Variants in CNST observed in about 807,000 individuals in gnomAD.
The protein encoded by CNST is consortin.
A neutral mutation model predicts 72.4 loss-of-function variants in CNST; 39 were observed. The ratio of observed to expected loss-of-function variants is 0.54; its 90% confidence interval spans 0.42 to 0.70. The LOEUF (loss-of-function observed/expected upper bound fraction) is 0.70. Among genes scored for constraint, CNST ranks in the 30% least tolerant of loss-of-function variants. The probability of loss-of-function intolerance (pLI) is 0.00; values close to 1 mark genes in which losing one functional copy is unlikely to be tolerated. For missense variants in CNST, 871 were observed against 868.5 expected (o/e 1.00, Z -0.04); for synonymous variants, 332 against 320.1 (o/e 1.04, Z -0.40).
chr1:246,634,986 G>A (rs1038323481), intron 6 of CNST, among the ~76,000 whole-genome samples: 15 of 150,636 alleles, frequency 1.0e-4, no homozygotes, highest in Non-Finnish European at 1.9e-4. Flanking sequence ...CGTGTCTTCC[G>A]GCCGGCCCTC....
intron 2 of CNST, chr1:246,606,085 G>A (rs201715170): frequency 1.0e-3 from 146 of 140,978 alleles, no homozygotes; most frequent in East Asian, 0.01. Context: ...TGGGCACCTC[G>A]GAAAAAAAGA....
At position 246,634,910 on chromosome 1, in the gene CNST, C is replaced by T. The variant is rs111452143; in HGVS notation, c.818+323C>T. Among the ~76,000 whole-genome samples the T allele has an allele frequency of 7.0e-3, 1,057 of 150,730 alleles. 10 individuals carry two copies. The highest frequency in any genetic ancestry group is 0.011 in the Non-Finnish European group (777 of 67,772). On this transcript the variant is annotated intron_variant, in intron 6 of 10. Transcript: ENST00000366513. Reference sequence around the variant, plus strand: ...CAGGAAGTGTCCCTGTCTGATGTAACGGCTACGTGGTACCTGGATGGCCTC... The same window carrying T: ...CAGGAAGTGTCCCTGTCTGATGTAATGGCTACGTGGTACCTGGATGGCCTC...
intron 2 of CNST, among the ~76,000 whole-genome samples, chr1:246,596,248 C>A (rs893706142): frequency 1.3e-5 from 2 of 151,942 alleles, no homozygotes; most frequent in Non-Finnish European, 2.9e-5. Flanking sequence ...GACCTCATCT[C>A]TACAAAAAGT....
chr1:246,585,658 A>T (rs1389268626), intron 1 of CNST, among the ~76,000 whole-genome samples: 2,552 of 80,290 alleles, frequency 0.032, 164 homozygotes, highest in African/African-American at 0.14. Flanking sequence ...AAAAAAAAAA[A>T]AAAAATATAC....
At chr1:246,628,163 T>C (rs2103090266) in intron 3 of CNST, among the ~76,000 whole-genome samples, 2 of 152,268 alleles carry the variant, frequency 1.3e-5, no homozygotes, top group South Asian at 4.1e-4. Flanking sequence ...GCTGATTAGA[T>C]GGTGTCCACC....
intron 1 of CNST, among the ~76,000 whole-genome samples, chr1:246,576,949 C>T (rs958363229): frequency 2.0e-5 from 3 of 151,988 alleles, no homozygotes; most frequent in Non-Finnish European, 4.4e-5. Flanking sequence ...CAGGCAAGCA[C>T]CAGAGTGGAA....
intron 10 of CNST, among the ~76,000 whole-genome samples, chr1:246,662,554 A>G (rs1667155420): frequency 6.6e-6 from 1 of 152,006 alleles, no homozygotes; most frequent in Non-Finnish European, 1.5e-5. Context: ...ACGCCTGGCT[A>G]ATTTTTGTAC....
chr1:246,600,720 CAG>C (rs1188504195), intron 2 of CNST, among the ~76,000 whole-genome samples: 1 of 152,148 alleles, frequency 6.6e-6, no homozygotes, highest in African/African-American at 2.4e-5. Flanking sequence ...GAGTAGAAGA[CAG>C]TGTTGTGCTT....
intron 6 of CNST, among the ~76,000 whole-genome samples, chr1:246,638,755 G>A (rs986994097): frequency 7.2e-5 from 11 of 152,124 alleles, no homozygotes; most frequent in African/African-American, 2.7e-4. Context: ...ATCTGGAAGG[G>A]GTTGATCTGT....
In CNST at chr1:246,647,922, A is replaced by T. The variant is rs761407901; in HGVS notation, c.1721A>T (p.Asp574Val). The change falls in exon 9 of 11, where the codon GAT (aspartate) becomes GTT (valine). Residue 574 changes from aspartate (D) to valine (V), a missense_variant. Transcript: ENST00000366513. Reference protein sequence around the residue: ...SYEDNQDDDSDLLQDLSPEEA... With the variant: ...SYEDNQDDDSVLLQDLSPEEA... ...GAAGATAACCAAGACGACGACTCCG[A>T]TCTCCTTCAAGATCTCTCTCCTGAA... is the stretch of plus-strand genomic sequence containing the variant. 66 of 1,613,720 alleles carry T rather than the reference A, an allele frequency of 4.1e-5. No homozygotes were observed. Among genetic ancestry groups the T allele is most frequent in the Non-Finnish European group, 5.5e-5 (65 of 1,180,002 alleles).
chr1:246,634,196 G>C (rs904617908), intron 5 of CNST, 186 bp downstream of exon 5: 16 of 562,028 alleles, frequency 2.8e-5, no homozygotes, highest in Admixed American at 1.7e-4. Context: ...TTTTTTCTTT[G>C]TATTTTGCTC....
At chr1:246,581,176 T>C (rs1283753489) in intron 1 of CNST, among the ~76,000 whole-genome samples, 5 of 152,262 alleles carry the variant, frequency 3.3e-5, no homozygotes, top group Non-Finnish European at 7.3e-5. Context: ...TGTATGCTTT[T>C]CTTCTTTAAC....
intron 3 of CNST, among the ~76,000 whole-genome samples, chr1:246,625,414 CTTTTTTTT>C (rs61588900): frequency 1.3e-3 from 72 of 56,114 alleles, no homozygotes; most frequent in Non-Finnish European, 1.9e-3. Context: ...TTATTTCTTT[CTTTTTTTT>C]TTTTTTTTTT....
rs145236436 is a variant in CNST, at chr1:246,567,454, C to A, written c.-52+791C>A. ...TTAGAGCTTTTACCCATTATCCTTA[C>A]CACCAAGGCAAGAAACGGCAGCCAA... On this transcript the variant is annotated intron_variant, in intron 1 of 10. Transcript: ENST00000366513. Among the ~76,000 whole-genome samples the A allele has an allele frequency of 2.2e-3, 339 of 152,060 alleles. 2 individuals carry two copies. The highest frequency in any genetic ancestry group is 7.8e-3 in the African/African-American group (323 of 41,476).
intron 9 of CNST, among the ~76,000 whole-genome samples, chr1:246,651,571 A>G (rs2103143929): frequency 6.6e-6 from 1 of 152,334 alleles, no homozygotes; most frequent in Non-Finnish European, 1.5e-5. Context: ...TCATCAGATC[A>G]AATGAAATAA....
At chr1:246,623,538 G>C (rs1307828622) in intron 3 of CNST, among the ~76,000 whole-genome samples, 1 of 152,102 alleles carries the variant, frequency 6.6e-6, no homozygotes, top group Non-Finnish European at 1.5e-5. Flanking sequence ...GATCATGTGA[G>C]GTCAGAAGTT....
At chr1:246,579,988 A>G (rs1471022022) in intron 1 of CNST, among the ~76,000 whole-genome samples, 2 of 152,162 alleles carry the variant, frequency 1.3e-5, no homozygotes, top group South Asian at 4.1e-4. Flanking sequence ...AGAAAACTGT[A>G]TTTGCACTGA....
chr1:246,632,911 C>G (rs370240980), intron 4 of CNST, among the ~76,000 whole-genome samples: 3 of 152,232 alleles, frequency 2.0e-5, no homozygotes, highest in African/African-American at 7.2e-5. Flanking sequence ...TGACTTGAAA[C>G]AGAAACACTT....
chr1:246,612,034 C>T (rs1663351843), intron 2 of CNST, among the ~76,000 whole-genome samples: 1 of 152,062 alleles, frequency 6.6e-6, no homozygotes, highest in Admixed American at 6.6e-5. Context: ...CTTATATAAG[C>T]TATGTAGAAT....
Sources: allele counts gnomAD v4.1 joint callset (sites outside exome capture counted in the v4.1 genomes callset), GRCh38; gene constraint gnomAD v4.1.1; transcripts MANE v1.5; gene names NCBI Gene and HGNC (gene_info 2026-07-23, HGNC 2026-07-21).